The following CAMK4 variants were observed in gnomAD, a reference collection of about 807,000 sequenced individuals.
CAMK4 encodes the protein calcium/calmodulin-dependent protein kinase type IV.
CAMK4 carries 22 observed loss-of-function variants against 44.9 expected under a neutral mutation model. The ratio of observed to expected loss-of-function variants is 0.49; its 90% CI spans 0.35 to 0.70. The LOEUF (loss-of-function observed/expected upper bound fraction) is 0.70, where lower values mean the gene tolerates loss of function less well. CAMK4 is among the 30% of genes least tolerant of loss of function. The pLI is 0.01. For missense variants in CAMK4, 498 were observed against 586.8 expected (o/e 0.85, Z 1.56); for synonymous variants, 218 against 215.4 (o/e 1.01, Z -0.11).
chr5:111,326,683 TAAA>T (rs397816033), intron 1 of CAMK4, among the ~76,000 whole-genome samples: 1 of 148,680 alleles, frequency 6.7e-6, no homozygotes, highest in African/African-American at 2.5e-5. Context: ...AAGCTATAAA[TAAA>T]AAAAAAGAGT....
chr5:111,251,703 A>G (rs1749502953), intron 1 of CAMK4, among the ~76,000 whole-genome samples: 1 of 152,126 alleles, frequency 6.6e-6, no homozygotes, highest in South Asian at 2.1e-4. Context: ...CCCTCCCTTT[A>G]AAGGCTTCTA....
chr5:111,335,273 A>G (rs1275207499), intron 1 of CAMK4, among the ~76,000 whole-genome samples: 2 of 151,458 alleles, frequency 1.3e-5, no homozygotes, highest in African/African-American at 4.8e-5. Context: ...AATGCCCTTG[A>G]TGCTAAATTG....
At chr5:111,249,786 A>G (rs1662211258) in intron 1 of CAMK4, among the ~76,000 whole-genome samples, 1 of 151,326 alleles carries the variant, frequency 6.6e-6, no homozygotes, top group Non-Finnish European at 1.5e-5. Context: ...GAATATATTC[A>G]TTGTTGATTG....
chr5:111,473,185 A>G, intron 7 of CAMK4, 126 bp from the exon 8 acceptor site: 1 of 730,612 alleles, frequency 1.4e-6, no homozygotes, highest in Non-Finnish European at 2.5e-6. Flanking sequence ...TGGTTTGGGG[A>G]GAGAAGATTG....
intron 1 of CAMK4, among the ~76,000 whole-genome samples, chr5:111,280,212 C>A (rs181576515): frequency 6.6e-6 from 1 of 151,562 alleles, no homozygotes; most frequent in Non-Finnish European, 1.5e-5. Flanking sequence ...ACAGAACAAG[C>A]TTTTAAATGA....
intron 5 of CAMK4, among the ~76,000 whole-genome samples, chr5:111,400,186 G>A (rs1752172123): frequency 6.6e-6 from 1 of 151,750 alleles, no homozygotes; most frequent in Non-Finnish European, 1.5e-5. Context: ...CAAATCAAAT[G>A]TTCCTTAAAA....
At chr5:111,243,900 T>C (rs1264117648) in intron 1 of CAMK4, among the ~76,000 whole-genome samples, 2 of 152,234 alleles carry the variant, frequency 1.3e-5, no homozygotes, top group African/African-American at 4.8e-5. Context: ...ACTTAGATTT[T>C]TTCAGGAACT....
chr5:111,272,700 T>C (rs1048617947), intron 1 of CAMK4, among the ~76,000 whole-genome samples: 1 of 152,138 alleles, frequency 6.6e-6, no homozygotes, highest in Non-Finnish European at 1.5e-5. Flanking sequence ...TGAATGCCAT[T>C]TTAGAGGAAC....
rs1280841846 is a variant in CAMK4, at chr5:111,486,829, C to CT, written c.*2364dup. 2 of 152,088 alleles carry CT rather than the reference C, an allele frequency of 1.3e-5. No homozygotes were observed. The allele number at this position is 152,088 out of a possible 1,614,324, so 9.4% of individuals were successfully genotyped here. ...TGAGTACTCGAGTTGATAATTCCCT[C>CT]TATCTTTTTAAACCCATAAACTACA... On this transcript the variant is annotated 3_prime_UTR_variant, in exon 11 of 11. Coordinates refer to ENST00000282356, the MANE Select transcript of CAMK4 (RefSeq NM_001744.6).
intron 4 of CAMK4, among the ~76,000 whole-genome samples, chr5:111,385,755 T>G (rs1751577907): frequency 6.6e-6 from 1 of 152,110 alleles, no homozygotes; most frequent in African/African-American, 2.4e-5. Flanking sequence ...TTATATTTTC[T>G]TAGTAGAGAT....
In CAMK4 at chr5:111,402,863, G is replaced by A. The variant is rs1486233823; in HGVS notation, c.459+8081G>A. 3.3e-5 allele frequency among the ~76,000 whole-genome samples: 5 copies of A among 152,182 alleles called. No individual in the cohort carries two copies. In the South Asian group the frequency reaches 8.3e-4, roughly 25 times the overall value. ...GAAGAGAAACATAAGTCATCCTGAG[G>A]AAGGCAGGGAAGAAAGATGACACCA... is the stretch of plus-strand genomic sequence containing the variant. On this transcript the variant is annotated intron_variant, in intron 5 of 10. Coordinates refer to ENST00000282356, the MANE Select transcript of CAMK4 (RefSeq NM_001744.6).
intron 6 of CAMK4, 129 bp downstream of exon 6, chr5:111,446,905 T>A (rs959627448): frequency 1.4e-6 from 1 of 702,192 alleles, no homozygotes; most frequent in Admixed American, 2.2e-5. Context: ...TTGACATCTG[T>A]AAAGGAAATA....
intron 1 of CAMK4, among the ~76,000 whole-genome samples, chr5:111,331,919 G>T (rs1442203952): frequency 6.6e-6 from 1 of 151,258 alleles, no homozygotes; most frequent in African/African-American, 2.4e-5. Flanking sequence ...TTCATTAGGG[G>T]CCAGAACCAT....
At chr5:111,312,766 G>T (rs747500480) in intron 1 of CAMK4, among the ~76,000 whole-genome samples, 2 of 152,108 alleles carry the variant, frequency 1.3e-5, no homozygotes, top group African/African-American at 2.4e-5. Context: ...TGAACTGGAG[G>T]CCAACTCCCC....
chr5:111,315,945 T>C (rs528454416), intron 1 of CAMK4, among the ~76,000 whole-genome samples: 1 of 152,124 alleles, frequency 6.6e-6, no homozygotes, highest in African/African-American at 2.4e-5. Context: ...CAAAAGAGTT[T>C]ATCATTTTGT....
At chr5:111,442,643 T>G (rs1580758793) in intron 5 of CAMK4, among the ~76,000 whole-genome samples, 1 of 149,992 alleles carries the variant, frequency 6.7e-6, no homozygotes, top group African/African-American at 2.4e-5. Context: ...CTAGCTGTTT[T>G]CTGTTAAGCC....
intron 1 of CAMK4, among the ~76,000 whole-genome samples, chr5:111,324,393 T>C (rs984328917): frequency 6.6e-6 from 1 of 152,068 alleles, no homozygotes; most frequent in Non-Finnish European, 1.5e-5. Flanking sequence ...AGTTGTCTTT[T>C]ATATTTAGCT....
chr5:111,346,822 A>AAAAC lies in CAMK4; in HGVS notation c.240+2740_240+2743dup, dbSNP rs140958825. On this transcript the variant is annotated intron_variant, in intron 2 of 10. Coordinates refer to ENST00000282356, the MANE Select transcript of CAMK4 (RefSeq NM_001744.6). ...ACTTGAGTCAGCTCACCCAGTGTGC[A>AAAAC]AAACAAACAAACAAACAAACAAAAA... 2.1e-3 allele frequency among the ~76,000 whole-genome samples: 243 copies of AAAAC among 116,664 alleles called. 2 individuals are homozygous for AAAAC. The highest frequency in any genetic ancestry group is 4.1e-3 in the African/African-American group (144 of 35,130). 76.5% of individuals were successfully genotyped at this position (116,664 alleles called of 152,430 possible).
chr5:111,252,625 A>C (rs1041235671), intron 1 of CAMK4, among the ~76,000 whole-genome samples: 3 of 152,234 alleles, frequency 2.0e-5, no homozygotes, highest in African/African-American at 7.2e-5. Flanking sequence ...CTTAGCAGTA[A>C]GCTGGTAACT....
Sources: allele counts gnomAD v4.1 joint callset (sites outside exome capture counted in the v4.1 genomes callset), GRCh38; gene constraint gnomAD v4.1.1; transcripts MANE v1.5; gene names NCBI Gene and HGNC (gene_info 2026-07-23, HGNC 2026-07-21).